The following SMAP1 variants were observed in gnomAD, a reference collection of about 807,000 sequenced individuals.
SMAP1 encodes the protein stromal membrane-associated protein 1.
In SMAP1, 24 loss-of-function variants were observed where a neutral mutation model predicts 58.5. The observed-to-expected ratio is 0.41, with a 90% CI of 0.30 to 0.58. The LOEUF is 0.58. Among genes scored for constraint, SMAP1 ranks in the 20% least tolerant of loss-of-function variants. SMAP1 has a pLI of 0.29. For synonymous variants in SMAP1, 216 were observed against 196.6 expected (o/e 1.10, Z -0.82); for missense variants, 563 against 566.3 (o/e 0.99, Z 0.06).
chr6:70,764,202 G>T (rs762089375), intron 3 of SMAP1, among the ~76,000 whole-genome samples: 17 of 151,642 alleles, frequency 1.1e-4, no homozygotes, highest in Non-Finnish European at 1.6e-4. Flanking sequence ...ATGAGCCACT[G>T]TTCCCAGCCT....
chr6:70,801,210 T>G (rs142443293), intron 6 of SMAP1, among the ~76,000 whole-genome samples: 1 of 152,312 alleles, frequency 6.6e-6, no homozygotes, highest in Non-Finnish European at 1.5e-5. Flanking sequence ...TGATCGCGAT[T>G]CTACCTGGCG....
intron 7 of SMAP1, among the ~76,000 whole-genome samples, chr6:70,845,558 A>G (rs926350338): frequency 1.3e-5 from 2 of 152,268 alleles, no homozygotes; most frequent in Admixed American, 6.5e-5. Flanking sequence ...ACTTATTTCA[A>G]GTAAAATCTA....
chr6:70,774,910 G>A (rs767679395), intron 4 of SMAP1, among the ~76,000 whole-genome samples: 1 of 151,924 alleles, frequency 6.6e-6, no homozygotes, highest in Non-Finnish European at 1.5e-5. Flanking sequence ...CCACTTGGGA[G>A]GCTGAGGCAG....
At chr6:70,800,988 G>A (rs1265343701) in intron 6 of SMAP1, among the ~76,000 whole-genome samples, 1 of 152,188 alleles carries the variant, frequency 6.6e-6, no homozygotes, top group African/African-American at 2.4e-5. Context: ...AAGTGTGCAT[G>A]TGTCTTTATA....
At chr6:70,726,874 GGTGTGTGTGTGTGTGTGTGTGTGTGTGT>G (rs35977042) in intron 1 of SMAP1, among the ~76,000 whole-genome samples, 3 of 144,908 alleles carry the variant, frequency 2.1e-5, no homozygotes, top group South Asian at 2.3e-4. Flanking sequence ...AAATTTTAGG[GGTGTGTGTGTGTGTGTGTGTGTGTGTGT>G]GTGTGTGTGT....
rs571499604 is a variant in SMAP1, at chr6:70,718,087, GT to G, written c.119-14282del. ...AAGCTCCCCTTCCAATTTTTTTGGT[GT>G]TTTTTTTTCCCCTTCCGACTTAAAA... On this transcript the variant is annotated intron_variant, in intron 1 of 10. Transcript: ENST00000370455. 8.0e-5 allele frequency among the ~76,000 whole-genome samples: 12 copies of G among 150,926 alleles called. No homozygotes were observed. In the South Asian group the frequency reaches 8.4e-4, roughly 11 times the overall value.
intron 7 of SMAP1, among the ~76,000 whole-genome samples, chr6:70,843,621 C>CT (rs1334657225): frequency 1.3e-5 from 2 of 152,154 alleles, no homozygotes; most frequent in East Asian, 1.9e-4. Flanking sequence ...AAATAAAACT[C>CT]TAACAGGTGA....
At chr6:70,672,742 C>T (rs1766320369) in intron 1 of SMAP1, among the ~76,000 whole-genome samples, 1 of 152,012 alleles carries the variant, frequency 6.6e-6, no homozygotes. Flanking sequence ...AAAGGGAGTG[C>T]ACCTGTGAAA....
At chr6:70,794,912 C>T (rs188621937) in intron 5 of SMAP1, among the ~76,000 whole-genome samples, 45 of 152,050 alleles carry the variant, frequency 3.0e-4, no homozygotes, top group Middle Eastern at 3.4e-3. Flanking sequence ...CCTCAGCCTC[C>T]CGAGTAGCTG....
rs532828959 is a variant in SMAP1 at position 70,805,936 on chromosome 6, A to G, written c.576+7199A>G. On this transcript the variant is annotated intron_variant, in intron 6 of 10. Coordinates refer to ENST00000370455, the MANE Select transcript of SMAP1 (RefSeq NM_001044305.3). ...TGTCTGTCGGCCCCTACTGGGAGGT[A>G]TCTCCCAGTTAGGCTACACGGGGGT... 1.1e-3 allele frequency among the ~76,000 whole-genome samples: 166 copies of G among 152,252 alleles called. 2 individuals carry two copies. Among genetic ancestry groups the G allele is most frequent in the Non-Finnish European group, 1.8e-3 (122 of 68,024 alleles).
chr6:70,700,128 A>G (rs1178444564), intron 1 of SMAP1, among the ~76,000 whole-genome samples: 1 of 152,000 alleles, frequency 6.6e-6, no homozygotes, highest in Non-Finnish European at 1.5e-5. Flanking sequence ...CTCATGAGAT[A>G]TGATTATTTA....
chr6:70,859,269 C>T (rs1771587124), intron 10 of SMAP1: 5 of 1,237,096 alleles, frequency 4.0e-6, no homozygotes, highest in African/African-American at 3.0e-5. Flanking sequence ...GAAGCACACC[C>T]AGCTCAGGTT....
intron 1 of SMAP1, among the ~76,000 whole-genome samples, chr6:70,712,796 T>C (rs774315925): frequency 0.023 from 3,416 of 149,462 alleles, 52 homozygotes; most frequent in Non-Finnish European, 0.036. Context: ...TTTTTTCTTT[T>C]CTTTTTTTTT....
At chr6:70,766,691 T>C (rs1279919080) in intron 3 of SMAP1, among the ~76,000 whole-genome samples, 1 of 152,210 alleles carries the variant, frequency 6.6e-6, no homozygotes, top group Non-Finnish European at 1.5e-5. Context: ...TCCCATTTTG[T>C]AGGTTGCCTG....
At chr6:70,687,340 A>G (rs575054413) in intron 1 of SMAP1, among the ~76,000 whole-genome samples, 68 of 152,320 alleles carry the variant, frequency 4.5e-4, no homozygotes, top group Middle Eastern at 3.4e-3. Context: ...AACAATTCCA[A>G]TTAACCAAGG....
At chr6:70,859,130 A>ACAAT (rs1205711943) in intron 10 of SMAP1, 3 of 463,588 alleles carry the variant, frequency 6.5e-6, no homozygotes, top group Non-Finnish European at 1.2e-5. Context: ...TAACATTAGC[A>ACAAT]CAATCACTAT....
intron 2 of SMAP1, among the ~76,000 whole-genome samples, chr6:70,740,290 T>G (rs1051153768): frequency 3.3e-5 from 5 of 152,288 alleles, no homozygotes; most frequent in African/African-American, 1.2e-4. Context: ...CTGGAGGCGG[T>G]GGCTCATGCC....
At chr6:70,766,598 T>C (rs148908376) in intron 3 of SMAP1, among the ~76,000 whole-genome samples, 1 of 152,170 alleles carries the variant, frequency 6.6e-6, no homozygotes, top group South Asian at 2.1e-4. Flanking sequence ...GGGTGGTTTG[T>C]TTTTTTCTTG....
chr6:70,707,330 A>C (rs1211358819), intron 1 of SMAP1, among the ~76,000 whole-genome samples: 1 of 152,130 alleles, frequency 6.6e-6, no homozygotes, highest in Non-Finnish European at 1.5e-5. Flanking sequence ...TAAATTGGTA[A>C]TCCTAAATAA....
Sources: gnomAD v4.1 joint callset for allele counts (sites outside exome capture counted in the v4.1 genomes callset) on GRCh38, gnomAD v4.1.1 for gene constraint, MANE v1.5 for transcripts, NCBI Gene and HGNC (gene_info 2026-07-23, HGNC 2026-07-21) for gene names.